GALNT1: variants seen among roughly 807,000 people sequenced by gnomAD.
GALNT1 encodes the protein polypeptide N-acetylgalactosaminyltransferase 1, also known as GalNAc transferase 1.
A neutral mutation model predicts 65.7 loss-of-function variants in GALNT1; 17 were observed. The observed-to-expected ratio is 0.26, with a 90% confidence interval of 0.18 to 0.39. GALNT1 has a LOEUF of 0.39. Ranked by LOEUF, GALNT1 falls within the 10% of genes least tolerant of loss-of-function variation. The pLI is 1.00. For missense variants in GALNT1, 460 were observed against 672.8 expected (o/e 0.68, Z 3.50); for synonymous variants, 210 against 219.7 (o/e 0.96, Z 0.39).
Position 35,654,626 on chromosome 18 carries a change from T to C in GALNT1, c.-37T>C. 1 of 1,170,044 alleles carries C rather than the reference T, an allele frequency of 8.5e-7. No homozygotes were observed. The allele number at this position is 1,170,044 out of a possible 1,614,324, so 72.5% of individuals were successfully genotyped here. A position where few individuals can be genotyped will look rare whatever the true frequency, so the allele number is the denominator to read the frequency against. The stretch of plus-strand genomic sequence containing the variant: ...TTCATGATCTTTGTATATTTATATA[T>C]ATATATTTTTAAATTTTGCATTTGA... On this transcript the variant is annotated 5_prime_UTR_variant, in exon 2 of 12. Coordinates refer to ENST00000269195, the MANE Select transcript of GALNT1 (RefSeq NM_020474.4).
At chr18:35,590,765 A>G (rs1338052056) in intron 1 of GALNT1, among the ~76,000 whole-genome samples, 1 of 152,228 alleles carries the variant, frequency 6.6e-6, no homozygotes, top group East Asian at 1.9e-4. Context: ...AACATTTACA[A>G]GTCCCCATGC....
At chr18:35,696,051 G>A (rs573548222) in intron 9 of GALNT1, among the ~76,000 whole-genome samples, 1 of 152,330 alleles carries the variant, frequency 6.6e-6, no homozygotes, top group South Asian at 2.1e-4. Context: ...CCTCTTGCCA[G>A]CTGGCTTCTG....
At chr18:35,691,328 A>G (rs370770883) in intron 8 of GALNT1, 136 bp downstream of exon 8, 28 of 628,732 alleles carry the variant, frequency 4.5e-5, no homozygotes, top group African/African-American at 2.2e-4. Context: ...TAAGGAATGA[A>G]TGAAATCACA....
At chr18:35,695,738 G>T (rs2048045164) in intron 9 of GALNT1, among the ~76,000 whole-genome samples, 1 of 152,142 alleles carries the variant, frequency 6.6e-6, no homozygotes, top group South Asian at 2.1e-4. Flanking sequence ...AGTTTCTTGA[G>T]CCTTTCATTC....
intron 1 of GALNT1, among the ~76,000 whole-genome samples, chr18:35,585,993 A>C (rs1464958401): frequency 1.3e-5 from 2 of 152,178 alleles, no homozygotes; most frequent in African/African-American, 2.4e-5. Flanking sequence ...CCAGGAGTAC[A>C]CTTACTGGGT....
At chr18:35,582,606 G>A (rs1408324394) in intron 1 of GALNT1, among the ~76,000 whole-genome samples, 1 of 152,168 alleles carries the variant, frequency 6.6e-6, no homozygotes, top group Admixed American at 6.5e-5. Context: ...TGGTCAAGTG[G>A]GCAATAGGCA....
chr18:35,641,548 C>G (rs1339180994), intron 1 of GALNT1, among the ~76,000 whole-genome samples: 1 of 152,106 alleles, frequency 6.6e-6, no homozygotes, highest in Admixed American at 6.5e-5. Flanking sequence ...TCTAGTAGAG[C>G]AGAACTTCAG....
intron 11 of GALNT1, 146 bp downstream of exon 11, chr18:35,703,789 A>T: frequency 1.3e-6 from 1 of 758,466 alleles, no homozygotes; most frequent in Admixed American, 3.5e-5. Flanking sequence ...GGCGGGAAAA[A>T]TAAGTAAAAT....
chr18:35,646,191 C>T (rs925126316), intron 1 of GALNT1, among the ~76,000 whole-genome samples: 2 of 152,060 alleles, frequency 1.3e-5, no homozygotes, highest in African/African-American at 4.8e-5. Flanking sequence ...GGGGAAGTGC[C>T]ACACATTTGT....
chr18:35,683,101 T>C (rs1351686623), intron 4 of GALNT1, among the ~76,000 whole-genome samples: 1 of 149,526 alleles, frequency 6.7e-6, no homozygotes, highest in Non-Finnish European at 1.5e-5. Flanking sequence ...AGAGAAAGAA[T>C]TGAGTCTAAC....
intron 11 of GALNT1, among the ~76,000 whole-genome samples, chr18:35,708,474 A>G (rs2048302197): frequency 6.6e-6 from 1 of 152,248 alleles, no homozygotes; most frequent in South Asian, 2.1e-4. Flanking sequence ...AAGTTCTAAT[A>G]GGTGCAAAAA....
chr18:35,666,113 T>C (rs1287397251), intron 3 of GALNT1, among the ~76,000 whole-genome samples: 1 of 152,102 alleles, frequency 6.6e-6, no homozygotes, highest in African/African-American at 2.4e-5. Flanking sequence ...ATTTAGACAA[T>C]TGATAGGAAG....
chr18:35,630,472 G>A (rs2046990972), intron 1 of GALNT1, among the ~76,000 whole-genome samples: 1 of 152,156 alleles, frequency 6.6e-6, no homozygotes, highest in Admixed American at 6.5e-5. Context: ...ATAATGAAAT[G>A]AAGGCAGAAA....
chr18:35,686,953 T>C, intron 5 of GALNT1, 63 bp from the exon 6 acceptor site: 1 of 1,468,432 alleles, frequency 6.8e-7, no homozygotes, highest in South Asian at 1.2e-5. Flanking sequence ...ATACAATTGT[T>C]CTGTAGTTGG....
chr18:35,582,072 G>A (rs1397493896), intron 1 of GALNT1, among the ~76,000 whole-genome samples: 1 of 152,086 alleles, frequency 6.6e-6, no homozygotes, highest in Non-Finnish European at 1.5e-5. Context: ...CAGCTTTGGC[G>A]AGCAGCGAGT....
At chr18:35,594,359 G>A (rs1161984525) in intron 1 of GALNT1, among the ~76,000 whole-genome samples, 1 of 152,156 alleles carries the variant, frequency 6.6e-6, no homozygotes, top group Non-Finnish European at 1.5e-5. Flanking sequence ...TGATGAGGTG[G>A]GATTTCTCTG....
At chr18:35,601,262 G>C (rs1420523485) in intron 1 of GALNT1, among the ~76,000 whole-genome samples, 1 of 151,848 alleles carries the variant, frequency 6.6e-6, no homozygotes, top group Non-Finnish European at 1.5e-5. Context: ...ATGATCCTCT[G>C]TATTTCTATG....
At chr18:35,678,003 T>C (rs1258806905) in intron 4 of GALNT1, among the ~76,000 whole-genome samples, 2 of 152,186 alleles carry the variant, frequency 1.3e-5, no homozygotes, top group Admixed American at 1.3e-4. Flanking sequence ...GAAATAATGC[T>C]CTATAACATA....
At chr18:35,703,180 G>T (rs781682150) in intron 10 of GALNT1, among the ~76,000 whole-genome samples, 185 bp downstream of exon 10, 1 of 151,646 alleles carries the variant, frequency 6.6e-6, no homozygotes, top group Non-Finnish European at 1.5e-5. Context: ...TTTGTGAAAG[G>T]CCCATTGTGA....
Sources: allele counts gnomAD v4.1 joint callset (sites outside exome capture counted in the v4.1 genomes callset), GRCh38; gene constraint gnomAD v4.1.1; transcripts MANE v1.5; gene names NCBI Gene and HGNC (gene_info 2026-07-23, HGNC 2026-07-21).